ABCA12: variants seen among roughly 807,000 people sequenced by gnomAD.
ABCA12 encodes glucosylceramide transporter ABCA12.
Under a neutral mutation model 293.5 loss-of-function variants are expected in ABCA12, and 156 were observed. The observed-to-expected ratio is 0.53, with a 90% CI of 0.47 to 0.61. ABCA12 has a LOEUF of 0.61. Among genes scored for constraint, ABCA12 ranks in the 20% least tolerant of loss-of-function variants. The pLI, the probability that ABCA12 is intolerant of heterozygous loss-of-function variation, is 0.00. For synonymous variants in ABCA12, 1,063 were observed against 1,108.0 expected (o/e 0.96, Z 0.81); for missense variants, 2,797 against 3,090.2 (o/e 0.91, Z 2.25).
chr2:214,947,293 C>T (rs941205005), intron 48 of ABCA12, 129 bp downstream of exon 48: 1 of 1,342,454 alleles, frequency 7.4e-7, no homozygotes, highest in Non-Finnish European at 1.1e-6. Flanking sequence ...AAGTGCTTTG[C>T]ACAATAGCTA....
In ABCA12 at chr2:215,105,119, AC is replaced by A. The variant is rs1205150068; in HGVS notation, c.163+6477del. Among the ~76,000 whole-genome samples, 10 of 152,302 alleles carry A rather than the reference AC, an allele frequency of 6.6e-5. No individual in the cohort carries two copies. The East Asian group carries it at 1.9e-3, about 29-fold the overall frequency. ...TGTTCCCTGTTAGGAACCATGCTAT[AC>A]CTTGTGCGTACAGTGGTATGATGTG... is the stretch of plus-strand genomic sequence containing the variant. On this transcript the variant is annotated intron_variant, in intron 2 of 52. Transcript: ENST00000272895.
Position 214,976,041 on chromosome 2 carries a change from A to T in ABCA12, c.5129-4T>A. Reference sequence around the variant, plus strand: ...TCTCCTCTTGTCAGGATTTTGTCTGATTAAGAAAAAGAGATTGGATATGGT... The same window carrying T: ...TCTCCTCTTGTCAGGATTTTGTCTGTTTAAGAAAAAGAGATTGGATATGGT... On this transcript the variant is annotated splice_polypyrimidine_tract_variant and splice_region_variant and intron_variant, in intron 33 of 52. Transcript: ENST00000272895. 1 of 1,614,030 alleles carries T rather than the reference A, an allele frequency of 6.2e-7. No homozygotes were observed.
At chr2:215,062,430 T>C (rs1462683174) in intron 3 of ABCA12, among the ~76,000 whole-genome samples, 2 of 152,022 alleles carry the variant, frequency 1.3e-5, no homozygotes, top group East Asian at 3.9e-4. Context: ...AACTGTGCCG[T>C]TCTCATAGAC....
intron 8 of ABCA12, 91 bp downstream of exon 8, chr2:215,036,862 C>G: frequency 9.0e-7 from 1 of 1,115,022 alleles, no homozygotes; most frequent in Non-Finnish European, 1.4e-6. Flanking sequence ...ATAATATCAT[C>G]TCTACATGAT....
chr2:214,974,073 G>A (rs1160125695), intron 35 of ABCA12, 31 bp from the exon 36 acceptor site: 2 of 1,571,812 alleles, frequency 1.3e-6, no homozygotes, highest in Admixed American at 1.7e-5. Flanking sequence ...GCTGTGAGGT[G>A]TGTATGTATA....
chr2:214,942,622 T>C (rs539012347), intron 50 of ABCA12, among the ~76,000 whole-genome samples: 1 of 152,292 alleles, frequency 6.6e-6, no homozygotes, highest in African/African-American at 2.4e-5. Context: ...CACCTGAGAG[T>C]AATTTGGTTA....
rs151329088 is a variant in ABCA12 at position 215,102,848 on chromosome 2, G to A, written c.163+8749C>T. On this transcript the variant is annotated intron_variant, in intron 2 of 52. Coordinates refer to ENST00000272895, the MANE Select transcript of ABCA12 (RefSeq NM_173076.3). ...GCTAAGTCTTAGCACTGAACTCTAC[G>A]TTGGAGCTAAGGAAAAAGAAAAGTT... 6.1e-4 allele frequency among the ~76,000 whole-genome samples: 93 copies of A among 152,230 alleles called. 2 individuals are homozygous for A. Among genetic ancestry groups the A allele is most frequent in the African/African-American group, 1.9e-3 (79 of 41,548 alleles).
intron 2 of ABCA12, among the ~76,000 whole-genome samples, chr2:215,078,320 G>A (rs1701872586): frequency 6.6e-6 from 1 of 152,196 alleles, no homozygotes; most frequent in African/African-American, 2.4e-5. Context: ...CAGGCCAGCA[G>A]TCTGCCACTT....
intron 2 of ABCA12, among the ~76,000 whole-genome samples, chr2:215,066,687 T>G (rs1169447254): frequency 6.6e-6 from 1 of 151,904 alleles, no homozygotes; most frequent in East Asian, 1.9e-4. Flanking sequence ...CTTTGCACAG[T>G]TTTTTGATAA....
intron 41 of ABCA12, among the ~76,000 whole-genome samples, chr2:214,958,068 T>A (rs1393541892): frequency 6.6e-6 from 1 of 152,138 alleles, no homozygotes; most frequent in African/African-American, 2.4e-5. Context: ...CTAGAGAATC[T>A]GATATAGTCC....
intron 48 of ABCA12, among the ~76,000 whole-genome samples, chr2:214,946,674 G>A (rs1187004648): frequency 1.3e-5 from 2 of 152,098 alleles, no homozygotes; most frequent in African/African-American, 2.4e-5. Flanking sequence ...TATAGTTAAG[G>A]CTCTTTCAGA....
At chr2:215,003,291 G>A (rs1030806978) in intron 20 of ABCA12, among the ~76,000 whole-genome samples, 2 of 152,134 alleles carry the variant, frequency 1.3e-5, no homozygotes, top group African/African-American at 2.4e-5. Context: ...TGAAGGTGGG[G>A]ACATGGCAGA....
At chr2:215,113,746 T>G (rs1373121907) in intron 1 of ABCA12, among the ~76,000 whole-genome samples, 1 of 152,340 alleles carries the variant, frequency 6.6e-6, no homozygotes, top group South Asian at 2.1e-4. Context: ...TTATTAACAT[T>G]TAGTATTTCC....
Position 214,951,060 on chromosome 2 carries a change from G to T in ABCA12, c.6671C>A (p.Ser2224Tyr), listed in dbSNP as rs745326257. 1 of 1,614,018 alleles carries T rather than the reference G, an allele frequency of 6.2e-7. No homozygotes were observed. Among genetic ancestry groups the T allele is most frequent in the South Asian group, 1.1e-5 (1 of 91,080 alleles). The stretch of plus-strand genomic sequence containing the variant: ...ATCTATTGTCTCCCTTACATGTGAA[G>T]AATTAAATTTTCTGAAGAAAAGCCT... ...KLRLFFRKFN[S>Y]SHVRETIDED... is the part of the protein sequence containing the mutation. Residue 2224 changes from serine (S) to tyrosine (Y), a missense_variant, in exon 45 of 53, where the codon TCT becomes TAT. Physicochemically the swap from Ser to Tyr is moderately radical, Grantham distance 144. Around this residue, in one of 3 missense-constraint regions of ABCA12, gnomAD observed 2,130 missense variants for 2,427.0 expected, o/e 0.88. Coordinates refer to ENST00000272895, the MANE Select transcript of ABCA12 (RefSeq NM_173076.3).
At chr2:214,933,633 A>T (rs1698131863) in intron 52 of ABCA12, among the ~76,000 whole-genome samples, 1 of 152,178 alleles carries the variant, frequency 6.6e-6, no homozygotes, top group Non-Finnish European at 1.5e-5. Context: ...AACGGAAAGG[A>T]TTCTGCATTT....
intron 34 of ABCA12, among the ~76,000 whole-genome samples, chr2:214,975,253 G>A (rs1045240998): frequency 2.6e-5 from 4 of 152,086 alleles, no homozygotes; most frequent in African/African-American, 7.2e-5. Context: ...CGTGAGCCAC[G>A]GCACTCAGCC....
chr2:215,134,953 TA>T (rs111746849), intron 1 of ABCA12, among the ~76,000 whole-genome samples: 10,058 of 151,390 alleles, frequency 0.066, 639 homozygotes, highest in African/African-American at 0.17. Flanking sequence ...GCATATACTT[TA>T]AAAAAAAATT....
chr2:215,122,846 T>C (rs1488445703), intron 1 of ABCA12, among the ~76,000 whole-genome samples: 4 of 152,188 alleles, frequency 2.6e-5, no homozygotes, highest in Non-Finnish European at 5.9e-5. Flanking sequence ...TATATGGGTA[T>C]TACATGTGTA....
chr2:215,124,943 C>T (rs10165506), intron 1 of ABCA12, among the ~76,000 whole-genome samples: 30 of 152,104 alleles, frequency 2.0e-4, no homozygotes, highest in African/African-American at 7.2e-4. Flanking sequence ...TTCAGGTCTT[C>T]GGTTTAAGTC....
Sources: allele counts gnomAD v4.1 joint callset (sites outside exome capture counted in the v4.1 genomes callset), GRCh38; gene constraint gnomAD v4.1.1; regional missense constraint gnomAD v4.1.1; transcripts MANE v1.5; gene names NCBI Gene and HGNC (gene_info 2026-07-23, HGNC 2026-07-21).